The following SARNP variants were observed in gnomAD, a reference collection of about 807,000 sequenced individuals.
SARNP encodes the protein SAP domain-containing ribonucleoprotein.
Under a neutral mutation model 38.1 loss-of-function variants are expected in SARNP, and 5 were observed. The observed-to-expected ratio is 0.13, with a 90% confidence interval of 0.07 to 0.28. SARNP has a LOEUF of 0.28. Among genes scored for constraint, SARNP ranks in the 10% least tolerant of loss-of-function variants. The pLI is 1.00. For missense variants in SARNP, 180 were observed against 243.9 expected, an observed-to-expected ratio of 0.74 and a Z score of 1.75; for synonymous variants, 84 against 80.6, an observed-to-expected ratio of 1.04 and a Z score of -0.23.
intron 7 of SARNP, chr12:55,792,584 A>C (rs1251977048): frequency 8.3e-6 from 1 of 120,592 alleles, no homozygotes; most frequent in Non-Finnish European, 1.6e-5. Context: ...GGGTTTCGCC[A>C]TGTTGGCCAG....
intron 7 of SARNP, chr12:55,793,042 G>T (rs181835308): frequency 6.6e-6 from 1 of 152,204 alleles, no homozygotes. Flanking sequence ...CACCATTTTG[G>T]GAGGCAGAGG....
At chr12:55,793,066 T>C (rs1256925445) in intron 7 of SARNP, 1 of 151,984 alleles carries the variant, frequency 6.6e-6, no homozygotes, top group Non-Finnish European at 1.5e-5. Context: ...GTGGATCACT[T>C]GAGGTTAGGA....
At chr12:55,792,132 G>T (rs1179501030) in intron 7 of SARNP, among the ~76,000 whole-genome samples, 6 of 151,918 alleles carry the variant, frequency 3.9e-5, no homozygotes, top group Non-Finnish European at 5.9e-5. Flanking sequence ...AATTTCTGTT[G>T]TATCTTCACC....
At chr12:55,761,012 T>TA (rs1172501083) in intron 9 of SARNP, among the ~76,000 whole-genome samples, 10 of 151,646 alleles carry the variant, frequency 6.6e-5, no homozygotes, top group African/African-American at 2.2e-4. Flanking sequence ...CCATTTCGAC[T>TA]AAAAATACAA....
intron 7 of SARNP, among the ~76,000 whole-genome samples, chr12:55,792,277 A>G (rs915393717): frequency 6.6e-6 from 1 of 152,152 alleles, no homozygotes; most frequent in Non-Finnish European, 1.5e-5. Context: ...TCTGGGGGAC[A>G]TTTTCTTACT....
chr12:55,791,482 G>A (rs1025476567), intron 7 of SARNP, among the ~76,000 whole-genome samples: 2 of 152,126 alleles, frequency 1.3e-5, no homozygotes, highest in Non-Finnish European at 2.9e-5. Context: ...ATCACCTGAG[G>A]TCAGGACTTG....
At chr12:55,756,615 G>A (rs973705162), downstream of SARNP, 1 of 152,166 alleles carries the variant, frequency 6.6e-6, no homozygotes, top group South Asian at 2.1e-4. Flanking sequence ...AAGATTAAGA[G>A]GAGAAATTCT....
At chr12:55,789,228 A>C (rs573907848) in intron 8 of SARNP, 85 bp from the exon 9 acceptor site, 14 of 897,508 alleles carry the variant, frequency 1.6e-5, no homozygotes, top group Non-Finnish European at 2.1e-5. Flanking sequence ...TGAAGCTAAG[A>C]GTTCAAATAA....
intron 9 of SARNP, among the ~76,000 whole-genome samples, chr12:55,765,753 G>A (rs962390155): frequency 3.3e-5 from 5 of 151,820 alleles, no homozygotes; most frequent in African/African-American, 9.7e-5. Context: ...ACAATACATC[G>A]TTCCCCCAAC....
chr12:55,794,437 G>C (rs776541241), intron 6 of SARNP, 50 bp from the exon 7 acceptor site: 5 of 1,540,968 alleles, frequency 3.2e-6, no homozygotes, highest in Non-Finnish European at 4.4e-6. Context: ...CACACTCCTG[G>C]TTTGTCTGTC....
At chr12:55,769,042 T>C (rs1186031604) in intron 9 of SARNP, among the ~76,000 whole-genome samples, 1 of 152,178 alleles carries the variant, frequency 6.6e-6, no homozygotes, top group African/African-American at 2.4e-5. Context: ...TCTCAGACCT[T>C]GAAAATCTGG....
chr12:55,810,718 G>A (rs1880301726), intron 1 of SARNP, among the ~76,000 whole-genome samples: 1 of 151,058 alleles, frequency 6.6e-6, no homozygotes, highest in African/African-American at 2.4e-5. Context: ...CTCTCAAAGG[G>A]CTGGGATTAC....
chr12:55,767,226 G>A (rs965675295), intron 9 of SARNP, among the ~76,000 whole-genome samples: 2 of 152,122 alleles, frequency 1.3e-5, no homozygotes, highest in African/African-American at 4.8e-5. Context: ...AGCTAACAAT[G>A]CCATTCATTC....
chr12:55,799,842 G>A (rs377060714), intron 4 of SARNP, among the ~76,000 whole-genome samples: 1 of 149,358 alleles, frequency 6.7e-6, no homozygotes, highest in East Asian at 2.1e-4. Flanking sequence ...GTGTGCCACC[G>A]TGCCTGGCCT....
intron 6 of SARNP, among the ~76,000 whole-genome samples, 162 bp downstream of exon 6, chr12:55,794,645 C>A (rs1170674272): frequency 6.6e-6 from 1 of 152,122 alleles, no homozygotes; most frequent in East Asian, 1.9e-4. Context: ...GCTACTATAA[C>A]CAAATCAGTA....
At chr12:55,814,405 T>C (rs1182459260) in intron 1 of SARNP, among the ~76,000 whole-genome samples, 3 of 152,222 alleles carry the variant, frequency 2.0e-5, no homozygotes, top group Non-Finnish European at 4.4e-5. Flanking sequence ...ACTACCAATA[T>C]ATTTCCTCAC....
intron 9 of SARNP, chr12:55,761,808 G>A (rs1416395778): frequency 1.3e-5 from 2 of 152,088 alleles, no homozygotes; most frequent in South Asian, 2.1e-4. Flanking sequence ...CTGAAATCAG[G>A]TAGGCTCCTC....
At chr12:55,764,456 G>A (rs913299888) in intron 9 of SARNP, among the ~76,000 whole-genome samples, 1 of 151,634 alleles carries the variant, frequency 6.6e-6, no homozygotes, top group Admixed American at 6.6e-5. Context: ...GCTTGAACCC[G>A]GGAGGTGGAG....
At chr12:55,763,236 T>C (rs896398809) in intron 9 of SARNP, among the ~76,000 whole-genome samples, 1 of 152,038 alleles carries the variant, frequency 6.6e-6, no homozygotes, top group African/African-American at 2.4e-5. Flanking sequence ...ATTATAGCCA[T>C]GAACATCTGA....
Sources: allele counts gnomAD v4.1 joint callset (sites outside exome capture counted in the v4.1 genomes callset), GRCh38; gene constraint gnomAD v4.1.1; transcripts MANE v1.5; gene names NCBI Gene and HGNC (gene_info 2026-07-23, HGNC 2026-07-21).